FAM227B: variants seen among roughly 807,000 people sequenced by gnomAD.
FAM227B encodes protein FAM227B.
Under a neutral mutation model 73.8 loss-of-function variants are expected in FAM227B, and 88 were observed. The observed-to-expected ratio is 1.19, with a 90% CI of 1.00 to 1.42. The LOEUF is 1.42. Among genes scored for constraint, FAM227B ranks in the 40% most tolerant of loss-of-function variants. FAM227B has a pLI of 0.00. For synonymous variants in FAM227B, 210 were observed against 190.5 expected (o/e 1.10, Z -0.84); for missense variants, 632 against 590.9 (o/e 1.07, Z -0.72).
chr15:49,534,047 T>C (rs970550858), intron 10 of FAM227B, among the ~76,000 whole-genome samples: 4 of 151,894 alleles, frequency 2.6e-5, no homozygotes, highest in Non-Finnish European at 5.9e-5. Flanking sequence ...TGTAGGTTTT[T>C]ACTTTGTAGT....
At chr15:49,429,841 A>G (rs1426656242) in intron 11 of FAM227B, among the ~76,000 whole-genome samples, 1 of 151,900 alleles carries the variant, frequency 6.6e-6, no homozygotes, top group Non-Finnish European at 1.5e-5. Context: ...TTAAGTCAGA[A>G]TCTCACAAAG....
chr15:49,585,542 G>A (rs963019910), intron 5 of FAM227B, among the ~76,000 whole-genome samples: 2 of 152,154 alleles, frequency 1.3e-5, no homozygotes, highest in African/African-American at 4.8e-5. Flanking sequence ...GTCCTTTGTA[G>A]GGACATGGAT....
At chr15:49,391,367 A>G (rs2151572048) in intron 11 of FAM227B, among the ~76,000 whole-genome samples, 1 of 152,272 alleles carries the variant, frequency 6.6e-6, no homozygotes, top group South Asian at 2.1e-4. Flanking sequence ...TTCCAGGCAT[A>G]TAGCTAGCCT....
chr15:49,496,684 G>A (rs1251625122), intron 11 of FAM227B, among the ~76,000 whole-genome samples: 1 of 151,932 alleles, frequency 6.6e-6, no homozygotes, highest in Non-Finnish European at 1.5e-5. Flanking sequence ...TAAAATTCTG[G>A]AAAAAAGTTA....
chr15:49,536,124 G>T lies in FAM227B; in HGVS notation c.874+5556C>A, dbSNP rs775078889. Among the ~76,000 whole-genome samples the T allele has an allele frequency of 5.1e-4, 75 of 147,218 alleles. 1 individual carries two copies. Among genetic ancestry groups the T allele is most frequent in the Non-Finnish European group, 8.7e-4 (58 of 66,444 alleles). On this transcript the variant is annotated intron_variant, in intron 10 of 15. Coordinates refer to ENST00000299338, the MANE Select transcript of FAM227B (RefSeq NM_152647.3). ...AAAGAAAAAACTTGAAAATGGGAAAGGAAATACATAAAATTATCTGTATTT... is the reference window on the plus strand; with the variant it reads ...AAAGAAAAAACTTGAAAATGGGAAATGAAATACATAAAATTATCTGTATTT...
chr15:49,580,237 AT>A (rs1567625111), intron 5 of FAM227B, among the ~76,000 whole-genome samples: 2 of 152,206 alleles, frequency 1.3e-5, no homozygotes, highest in Non-Finnish European at 2.9e-5. Flanking sequence ...AGTAGTCACA[AT>A]TTTAAAACTT....
rs764464806 is a variant in FAM227B at position 49,568,279 on chromosome 15, C to T, written c.713G>A (p.Ser238Asn). The T allele has an allele frequency of 5.6e-6, 9 of 1,609,718 alleles. No homozygotes were observed. Among genetic ancestry groups the T allele is most frequent in the Non-Finnish European group, 7.6e-6 (9 of 1,178,178 alleles). ...ISESYVTLFM[S>N]IPLSRKDAFF... ...TGCATCCTTTCGACTTAGAGGTATG[C>T]TCATGAAAAGTGTCACATAACTTTC... The change falls in exon 9 of 16, where the codon AGC becomes AAC. Residue 238 changes from serine to asparagine, a missense_variant. Ser to Asn is a conservative substitution (Grantham distance 46). Transcript: ENST00000299338.
rs905159858 is a variant in FAM227B at position 49,371,389 on chromosome 15, G to C, written c.1023C>G (p.Phe341Leu). 1 of 1,554,322 alleles carries C rather than the reference G, an allele frequency of 6.4e-7. No individual in the cohort carries two copies. Among genetic ancestry groups the C allele is most frequent in the Admixed American group, 1.8e-5 (1 of 54,780 alleles). ...SQEHISTSID[F>L]NIIKILNNPR... ...GGTTGTTCAGAATCTTTATAATATTGAAGTCGATACCTAAAACAGAAAATA... is the reference window on the plus strand; with the variant it reads ...GGTTGTTCAGAATCTTTATAATATTCAAGTCGATACCTAAAACAGAAAATA... The change falls in exon 12 of 16, where the codon TTC becomes TTG. Residue 341 changes from phenylalanine (F) to leucine (L), a missense_variant. Transcript: ENST00000299338.
At chr15:49,443,539 T>C (rs1411254089) in intron 11 of FAM227B, among the ~76,000 whole-genome samples, 1 of 151,652 alleles carries the variant, frequency 6.6e-6, no homozygotes, top group Non-Finnish European at 1.5e-5. Flanking sequence ...AAACTTAAGG[T>C]TTAGTGTCTA....
At chr15:49,464,998 T>C (rs1171898226) in intron 11 of FAM227B, among the ~76,000 whole-genome samples, 1 of 152,212 alleles carries the variant, frequency 6.6e-6, no homozygotes, top group Non-Finnish European at 1.5e-5. Context: ...ATTAAGAAAC[T>C]ATAATGTTAT....
At chr15:49,566,946 T>TA (rs1461802281) in intron 9 of FAM227B, among the ~76,000 whole-genome samples, 3 of 152,180 alleles carry the variant, frequency 2.0e-5, no homozygotes, top group African/African-American at 7.2e-5. Flanking sequence ...ATTTGGATCA[T>TA]AAAAGTAGAA....
At chr15:49,451,542 A>G (rs2052742479) in intron 11 of FAM227B, among the ~76,000 whole-genome samples, 1 of 152,066 alleles carries the variant, frequency 6.6e-6, no homozygotes, top group Non-Finnish European at 1.5e-5. Context: ...CTAAAATTTT[A>G]GTATTTATAT....
At chr15:49,604,768 T>C (rs1029815005) in intron 3 of FAM227B, among the ~76,000 whole-genome samples, 1 of 149,586 alleles carries the variant, frequency 6.7e-6, no homozygotes, top group Non-Finnish European at 1.5e-5. Context: ...CTGACAGCAG[T>C]TTCAAATGAT....
intron 9 of FAM227B, among the ~76,000 whole-genome samples, chr15:49,551,692 T>C (rs371083501): frequency 1.3e-5 from 2 of 152,352 alleles, no homozygotes; most frequent in South Asian, 2.1e-4. Context: ...TGTCTTACTG[T>C]AGTGAATGTG....
At chr15:49,361,480 T>C (rs1168157716) in intron 13 of FAM227B, among the ~76,000 whole-genome samples, 1 of 152,180 alleles carries the variant, frequency 6.6e-6, no homozygotes, top group East Asian at 1.9e-4. Context: ...CTCCTACTTA[T>C]TAGTGAGAAC....
intron 11 of FAM227B, among the ~76,000 whole-genome samples, chr15:49,382,861 G>A (rs575296885): frequency 2.0e-4 from 30 of 152,144 alleles, no homozygotes; most frequent in African/African-American, 7.2e-4. Flanking sequence ...TTACCATAAT[G>A]AGAATGAAAT....
At chr15:49,570,894 ATAT>A (rs978714135) in intron 8 of FAM227B, among the ~76,000 whole-genome samples, 21 of 147,368 alleles carry the variant, frequency 1.4e-4, no homozygotes, top group African/African-American at 2.5e-4. Context: ...TAATTTATTA[ATAT>A]TATTATGAAT....
Position 49,547,021 on chromosome 15 carries a change from C to T in FAM227B, c.748-5215G>A, listed in dbSNP as rs572558147. On this transcript the variant is annotated intron_variant, in intron 9 of 15. Coordinates refer to ENST00000299338, the MANE Select transcript of FAM227B (RefSeq NM_152647.3). ...GAAATGAAGGAAAAAATGTTAAGGG[C>T]AGCCAGAGAGAAAGGTCGGGTTACC... 9.5e-3 allele frequency among the ~76,000 whole-genome samples: 1,449 copies of T among 152,220 alleles called. 19 individuals carry two copies. Among genetic ancestry groups the T allele is most frequent in the African/African-American group, 0.033 (1,387 of 41,524 alleles).
At chr15:49,340,588 T>G (rs2040568717) in intron 13 of FAM227B, among the ~76,000 whole-genome samples, 1 of 152,176 alleles carries the variant, frequency 6.6e-6, no homozygotes, top group Admixed American at 6.5e-5. Flanking sequence ...AGCAAAGTCC[T>G]TGCCCACTTT....
Sources: gnomAD v4.1 joint callset for allele counts (sites outside exome capture counted in the v4.1 genomes callset) on GRCh38, gnomAD v4.1.1 for gene constraint, MANE v1.5 for transcripts, NCBI Gene and HGNC (gene_info 2026-07-23, HGNC 2026-07-21) for gene names.